The following NPHP3 variants were observed in gnomAD, a reference collection of about 807,000 sequenced individuals.
NPHP3 encodes the protein nephrocystin-3.
NPHP3 carries 123 observed loss-of-function variants against 171.9 expected under a neutral mutation model. That is an observed-to-expected ratio of 0.72 (90% CI 0.62 to 0.83). The LOEUF is 0.83. NPHP3 is among the 40% of genes least tolerant of loss of function. The pLI, the probability that NPHP3 is intolerant of heterozygous loss-of-function variation, is 0.00. For missense variants in NPHP3, 1,506 were observed against 1,591.9 expected (o/e 0.95, Z 0.92); for synonymous variants, 558 against 579.2 (o/e 0.96, Z 0.52).
At position 132,688,893 on chromosome 3, in the gene NPHP3, T is replaced by TG; in HGVS notation, c.2884-3dup. 1 of 1,613,984 alleles carries TG rather than the reference T, an allele frequency of 6.2e-7. No individual in the cohort carries two copies. The highest frequency in any genetic ancestry group is 8.5e-7 in the Non-Finnish European group (1 of 1,179,970). ...AGACCTCTGCAAAGGTACTATGGCCTGGGGGGAAAAGGGGTGAAAGGCCAG... is the reference window on the plus strand; with the variant it reads ...AGACCTCTGCAAAGGTACTATGGCCTGGGGGGGAAAAGGGGTGAAAGGCCAG... On this transcript the variant is annotated splice_region_variant and splice_polypyrimidine_tract_variant and intron_variant, in intron 20 of 26. Coordinates refer to ENST00000337331, the MANE Select transcript of NPHP3 (RefSeq NM_153240.5).
rs773348737 is a variant in NPHP3 at position 132,682,025 on chromosome 3, G to T, written c.3878C>A (p.Ala1293Glu). The T allele has an allele frequency of 1.7e-5, 28 of 1,613,772 alleles. No individual in the cohort carries two copies. The highest frequency in any genetic ancestry group is 2.2e-5 in the Non-Finnish European group (26 of 1,179,842). The change falls in exon 27 of 27, where the codon GCA (alanine) becomes GAA (glutamate). Residue 1293 changes from alanine to glutamate, a missense_variant. Ala to Glu is a moderately radical substitution (Grantham distance 107). Around this residue, in one of 3 missense-constraint regions of NPHP3, gnomAD observed 569 missense variants for 648.1 expected, o/e 0.88. Coordinates refer to ENST00000337331, the MANE Select transcript of NPHP3 (RefSeq NM_153240.5). Reference protein sequence around the residue: ...LYKRAMEIKEAETSLLGGKAP... With the variant: ...LYKRAMEIKEEETSLLGGKAP... ...TTTTCCACCCAAGAGTGATGTTTCTGCTTCTTTTATTTCCATTGCCCTTTT... is the reference window on the plus strand; with the variant it reads ...TTTTCCACCCAAGAGTGATGTTTCTTCTTCTTTTATTTCCATTGCCCTTTT...
At position 132,698,686 on chromosome 3, in the gene NPHP3, C is replaced by T. The variant is rs375362620; in HGVS notation, c.1985+667G>A. Reference sequence around the variant, plus strand: ...CTATTTTCCTCATCTATAAATTTAACTGCCTACTAGACATCGTTACGTGGA... The same window carrying T: ...CTATTTTCCTCATCTATAAATTTAATTGCCTACTAGACATCGTTACGTGGA... On this transcript the variant is annotated intron_variant, in intron 13 of 26. Transcript: ENST00000337331. Among the ~76,000 whole-genome samples, 114 of 152,336 alleles carry T rather than the reference C, an allele frequency of 7.5e-4. 1 individual carries two copies. Among genetic ancestry groups the T allele is most frequent in the African/African-American group, 2.6e-3 (109 of 41,574 alleles).
intron 6 of NPHP3, among the ~76,000 whole-genome samples, chr3:132,709,933 C>A (rs1347483619): frequency 6.6e-6 from 1 of 152,100 alleles, no homozygotes; most frequent in East Asian, 1.9e-4. Context: ...CATTAGAAGA[C>A]CAAACAATGG....
rs1939605111 is a variant in NPHP3, at chr3:132,701,508, A to G, written c.1550T>C (p.Val517Ala). 2.5e-6 allele frequency: 4 copies of G among 1,613,556 alleles called. No homozygotes were observed. The highest frequency in any genetic ancestry group is 2.5e-6 in the Non-Finnish European group (3 of 1,179,604). ...AGGTGGAATCGGGGCTGGTGCTGCC[A>G]CTAGATCATTAAGGCGTTGGTAATA... ...EKYYQRLNDLVAAPAPIPPLL... is the reference protein window; with the variant it reads ...EKYYQRLNDLAAAPAPIPPLL... The change falls in exon 10 of 27, where the codon GTG (valine) becomes GCG (alanine). Residue 517 changes from valine (V) to alanine (A), a missense_variant. By Grantham distance (64) the Val-to-Ala change is moderately conservative. Around this residue, in one of 3 missense-constraint regions of NPHP3, gnomAD observed 930 missense variants for 924.9 expected, o/e 1.01. Coordinates refer to ENST00000337331, the MANE Select transcript of NPHP3 (RefSeq NM_153240.5).
chr3:132,710,249 C>T (rs569859020), intron 6 of NPHP3, among the ~76,000 whole-genome samples: 1 of 151,422 alleles, frequency 6.6e-6, no homozygotes, highest in South Asian at 2.1e-4. Context: ...GGAGTTAAAA[C>T]AGTAAAGCTG....
rs749846785 is a variant in NPHP3, at chr3:132,689,194, T to A, written c.2763A>T (p.Glu921Asp). The A allele has an allele frequency of 1.2e-6, 2 of 1,614,190 alleles. No individual in the cohort carries two copies. The highest frequency in any genetic ancestry group is 1.1e-5 in the South Asian group (1 of 91,086). Reference protein sequence around the residue: ...VGKDKSAMATEYFDSLKQYEK... With the variant: ...VGKDKSAMATDYFDSLKQYEK... ...CATACTGCTTCAATGAATCGAAGTA[T>A]TCTGTTGCCATTGCACTTTTGTCTT... Residue 921 changes from glutamate to aspartate, a missense_variant, in exon 20 of 27, where the codon GAA becomes GAT. Around this residue, in one of 3 missense-constraint regions of NPHP3, gnomAD observed 569 missense variants for 648.1 expected, o/e 0.88. Coordinates refer to ENST00000337331, the MANE Select transcript of NPHP3 (RefSeq NM_153240.5).
chr3:132,716,294 G>C (rs1191488807), intron 4 of NPHP3, among the ~76,000 whole-genome samples: 2 of 151,990 alleles, frequency 1.3e-5, no homozygotes, highest in East Asian at 3.8e-4. Context: ...TATTTTCATT[G>C]TTATTTTTCC....
intron 12 of NPHP3, among the ~76,000 whole-genome samples, chr3:132,699,665 G>A (rs562173552): frequency 2.0e-5 from 3 of 152,076 alleles, no homozygotes; most frequent in Admixed American, 1.3e-4. Context: ...AAATGTCAAG[G>A]CCCTAAAAAT....
intron 7 of NPHP3, 89 bp downstream of exon 7, chr3:132,708,012 G>T: frequency 1.6e-6 from 2 of 1,278,036 alleles, no homozygotes; most frequent in Admixed American, 1.9e-5. Flanking sequence ...CCCCTCCCCA[G>T]ATATGCCAGG....
At chr3:132,682,599 C>G in intron 26 of NPHP3, 104 bp downstream of exon 26, 1 of 748,378 alleles carries the variant, frequency 1.3e-6, no homozygotes, top group South Asian at 1.5e-5. Context: ...CAACCCCTCC[C>G]CACTCTAAGA....
intron 19 of NPHP3, among the ~76,000 whole-genome samples, chr3:132,690,311 C>T (rs1334854384): frequency 6.6e-6 from 1 of 152,146 alleles, no homozygotes; most frequent in Non-Finnish European, 1.5e-5. Flanking sequence ...CGAAATCATT[C>T]CAGCTCTGAT....
At chr3:132,690,378 A>G (rs1275554924) in intron 19 of NPHP3, 150 bp downstream of exon 19, 1 of 713,700 alleles carries the variant, frequency 1.4e-6, no homozygotes, top group Non-Finnish European at 2.3e-6. Flanking sequence ...TCTAATAGAG[A>G]TTTGTAAATT....
intron 5 of NPHP3, 141 bp downstream of exon 5, chr3:132,714,944 A>C: frequency 1.6e-6 from 1 of 637,964 alleles, no homozygotes; most frequent in East Asian, 2.8e-5. Flanking sequence ...TCTCTTAAGA[A>C]AAGCCCAAGA....
At chr3:132,719,903 C>CATAT (rs10590809) in intron 1 of NPHP3, 73 bp from the exon 2 acceptor site, 515 of 446,420 alleles carry the variant, frequency 1.2e-3, no homozygotes, top group Middle Eastern at 1.6e-3. Flanking sequence ...TATATATATA[C>CATAT]ATATATATAT....
chr3:132,700,269 T>C, intron 11 of NPHP3, 65 bp downstream of exon 11: 1 of 1,286,486 alleles, frequency 7.8e-7, no homozygotes, highest in Non-Finnish European at 1.1e-6. Context: ...AGTAGGTACT[T>C]ATTAGTCCCA....
chr3:132,697,536 T>C (rs1037952944), intron 13 of NPHP3, among the ~76,000 whole-genome samples, 174 bp from the exon 14 acceptor site: 1 of 151,536 alleles, frequency 6.6e-6, no homozygotes. Flanking sequence ...TATTCTAATA[T>C]GTGTATCATT....
chr3:132,686,064 A>T, intron 23 of NPHP3, 196 bp downstream of exon 23: 5 of 518,172 alleles, frequency 9.6e-6, no homozygotes, highest in Non-Finnish European at 1.7e-5. Context: ...AAAAAAAAAG[A>T]GTGTGAAAAG....
chr3:132,695,724 A>C (rs1157703114), intron 15 of NPHP3, among the ~76,000 whole-genome samples: 1 of 152,138 alleles, frequency 6.6e-6, no homozygotes, highest in African/African-American at 2.4e-5. Flanking sequence ...GCTTGAGCCC[A>C]GGAGTTCAAG....
chr3:132,689,616 C>T (rs1251536755), intron 19 of NPHP3, among the ~76,000 whole-genome samples: 2 of 152,178 alleles, frequency 1.3e-5, no homozygotes, highest in East Asian at 3.8e-4. Flanking sequence ...TATCTGAATC[C>T]TTTTTACACA....
Sources: allele counts gnomAD v4.1 joint callset (sites outside exome capture counted in the v4.1 genomes callset), GRCh38; gene constraint gnomAD v4.1.1; regional missense constraint gnomAD v4.1.1; transcripts MANE v1.5; gene names NCBI Gene and HGNC (gene_info 2026-07-23, HGNC 2026-07-21).